The following ENOX1 variants were observed in gnomAD, a reference collection of about 807,000 sequenced individuals.
ENOX1 encodes the protein ecto-NOX disulfide-thiol exchanger 1.
Under a neutral mutation model 82.5 loss-of-function variants are expected in ENOX1, and 42 were observed. The observed-to-expected ratio is 0.51, with a 90% CI of 0.40 to 0.66. The LOEUF is 0.66. ENOX1 is among the 30% of genes least tolerant of loss of function. The pLI is 0.00. For missense variants in ENOX1, 608 were observed against 811.6 expected, an observed-to-expected ratio of 0.75 and a Z score of 3.05; for synonymous variants, 271 against 282.2, an observed-to-expected ratio of 0.96 and a Z score of 0.40.
chr13:43,732,641 G>T (rs184671390), intron 1 of ENOX1, among the ~76,000 whole-genome samples: 1 of 152,270 alleles, frequency 6.6e-6, no homozygotes, highest in Non-Finnish European at 1.5e-5. Flanking sequence ...GCACAATTAC[G>T]TCAAAGAATA....
At chr13:43,745,603 A>T (rs1381751169) in intron 1 of ENOX1, among the ~76,000 whole-genome samples, 2 of 152,226 alleles carry the variant, frequency 1.3e-5, no homozygotes, top group African/African-American at 4.8e-5. Context: ...TAAAATATCC[A>T]TCTATAGATA....
At chr13:43,532,155 TAAAG>T (rs2078259264) in intron 2 of ENOX1, among the ~76,000 whole-genome samples, 1 of 152,092 alleles carries the variant, frequency 6.6e-6, no homozygotes, top group Non-Finnish European at 1.5e-5. Context: ...TCTGTTAAAA[TAAAG>T]AAAAAGAAGA....
intron 2 of ENOX1, among the ~76,000 whole-genome samples, chr13:43,497,695 C>CT (rs1310528388): frequency 6.6e-6 from 1 of 151,964 alleles, no homozygotes; most frequent in Non-Finnish European, 1.5e-5. Context: ...CGATGTGTGA[C>CT]TTTTTTAATA....
chr13:43,335,143 T>C (rs1224319045), intron 9 of ENOX1, among the ~76,000 whole-genome samples: 1 of 152,210 alleles, frequency 6.6e-6, no homozygotes, highest in African/African-American at 2.4e-5. Context: ...GCAATTATTT[T>C]TGGCTTTGCA....
At chr13:43,608,610 G>A (rs528885334) in intron 2 of ENOX1, among the ~76,000 whole-genome samples, 3 of 152,146 alleles carry the variant, frequency 2.0e-5, no homozygotes, top group Non-Finnish European at 4.4e-5. Context: ...CTGGTCATAG[G>A]AGTTAACCAA....
At chr13:43,632,184 G>C (rs1337103487) in intron 2 of ENOX1, among the ~76,000 whole-genome samples, 1 of 151,850 alleles carries the variant, frequency 6.6e-6, no homozygotes, top group Non-Finnish European at 1.5e-5. Context: ...TGTCATATTT[G>C]TTTAAAATAA....
intron 3 of ENOX1, among the ~76,000 whole-genome samples, chr13:43,436,578 G>A (rs2056044038): frequency 6.6e-6 from 1 of 152,112 alleles, no homozygotes; most frequent in Non-Finnish European, 1.5e-5. Flanking sequence ...ACCTTTCATG[G>A]CAGAGAAGAG....
At chr13:43,604,104 AT>A (rs1013166651) in intron 2 of ENOX1, among the ~76,000 whole-genome samples, 54 of 151,214 alleles carry the variant, frequency 3.6e-4, no homozygotes, top group Admixed American at 2.8e-3. Flanking sequence ...ATGGTATCTC[AT>A]TGTGGTTTTG....
intron 2 of ENOX1, among the ~76,000 whole-genome samples, chr13:43,526,371 T>A (rs1486899241): frequency 2.0e-5 from 3 of 152,120 alleles, no homozygotes; most frequent in African/African-American, 7.2e-5. Context: ...TCGTACCCAT[T>A]ATTTTCATTC....
intron 1 of ENOX1, among the ~76,000 whole-genome samples, chr13:43,768,874 T>C (rs1951434088): frequency 6.6e-6 from 1 of 152,220 alleles, no homozygotes; most frequent in African/African-American, 2.4e-5. Flanking sequence ...ACTTGGGCCA[T>C]TTACACTTTC....
chr13:43,746,695 A>C (rs1950039935), intron 1 of ENOX1, among the ~76,000 whole-genome samples: 1 of 152,174 alleles, frequency 6.6e-6, no homozygotes, highest in Non-Finnish European at 1.5e-5. Context: ...AAGTAGAAAA[A>C]AAAAAGTGAG....
chr13:43,630,412 C>G (rs553164981), intron 2 of ENOX1, among the ~76,000 whole-genome samples: 57 of 152,188 alleles, frequency 3.7e-4, no homozygotes, highest in Non-Finnish European at 6.6e-4. Context: ...AAGAATAAGA[C>G]AGCAGTAACT....
chr13:43,412,889 T>C lies in ENOX1; in HGVS notation c.26A>G (p.Asn9Ser), dbSNP rs1234813319. The stretch of plus-strand genomic sequence containing the variant: ...AAGCTCCTGGGGAAGCTGGGTGATG[T>C]TCTCAACTCCACCTGCATCTACCAT... MVDAGGVE[N>S]ITQLPQELPQ... Residue 9 changes from asparagine (N) to serine (S), a missense_variant, in exon 4 of 17, where the codon AAC (asparagine) becomes AGC (serine). Transcript: ENST00000690772. 3.7e-6 allele frequency: 6 copies of C among 1,614,092 alleles called. No individual in the cohort carries two copies. The highest frequency in any genetic ancestry group is 5.1e-6 in the Non-Finnish European group (6 of 1,180,012).
chr13:43,532,367 T>C (rs1287283417), intron 2 of ENOX1, among the ~76,000 whole-genome samples: 1 of 152,134 alleles, frequency 6.6e-6, no homozygotes, highest in Admixed American at 6.5e-5. Context: ...ATGACAGTGG[T>C]TCTCAAAGTA....
At chr13:43,732,105 C>G (rs1307851407) in intron 1 of ENOX1, among the ~76,000 whole-genome samples, 2 of 152,160 alleles carry the variant, frequency 1.3e-5, no homozygotes, top group Non-Finnish European at 2.9e-5. Context: ...GTAACACTAC[C>G]AAGCCTGCCT....
intron 2 of ENOX1, among the ~76,000 whole-genome samples, chr13:43,634,573 C>T (rs778811427): frequency 2.0e-5 from 3 of 152,164 alleles, no homozygotes; most frequent in Admixed American, 1.3e-4. Flanking sequence ...GAGACGGCTG[C>T]CCAGGCTTTC....
At chr13:43,381,349 T>C (rs994228238) in intron 5 of ENOX1, among the ~76,000 whole-genome samples, 6 of 151,444 alleles carry the variant, frequency 4.0e-5, no homozygotes, top group Non-Finnish European at 7.4e-5. Context: ...AGAAGTACTG[T>C]GAATTAAAAT....
intron 12 of ENOX1, among the ~76,000 whole-genome samples, chr13:43,290,124 T>C (rs1051690541): frequency 2.0e-5 from 3 of 152,120 alleles, no homozygotes; most frequent in South Asian, 2.1e-4. Flanking sequence ...ACACTGTTGG[T>C]AGGAATATAA....
chr13:43,625,971 G>C (rs927150598), intron 2 of ENOX1, among the ~76,000 whole-genome samples: 2 of 151,782 alleles, frequency 1.3e-5, no homozygotes, highest in African/African-American at 4.8e-5. Context: ...AATAGGGCCT[G>C]GATATTTCTT....
Sources: allele counts gnomAD v4.1 joint callset (sites outside exome capture counted in the v4.1 genomes callset), GRCh38; gene constraint gnomAD v4.1.1; transcripts MANE v1.5; gene names NCBI Gene and HGNC (gene_info 2026-07-23, HGNC 2026-07-21).